Variants in THRB observed in about 807,000 individuals in gnomAD.
THRB encodes nuclear receptor subfamily 1 group A member 2.
A neutral mutation model predicts 47.8 loss-of-function variants in THRB; 12 were observed. The ratio of observed to expected loss-of-function variants is 0.25; its 90% CI spans 0.16 to 0.41. The LOEUF (loss-of-function observed/expected upper bound fraction) is 0.41. THRB is among the 10% of genes least tolerant of loss of function. The probability of loss-of-function intolerance (pLI) is 1.00; values close to 1 mark genes in which losing one functional copy is unlikely to be tolerated. For missense variants in THRB, 348 were observed against 589.2 expected, an observed-to-expected ratio of 0.59 and a Z score of 4.24; for synonymous variants, 218 against 212.2, an observed-to-expected ratio of 1.03 and a Z score of -0.24.
At chr3:24,474,915 C>T (rs762841082) in intron 1 of THRB, among the ~76,000 whole-genome samples, 13 of 152,180 alleles carry the variant, frequency 8.5e-5, no homozygotes, top group Non-Finnish European at 1.6e-4. Flanking sequence ...TTGTCCAATA[C>T]GCTGTAGGTA....
intron 5 of THRB, among the ~76,000 whole-genome samples, chr3:24,159,381 T>C (rs1205780912): frequency 1.3e-5 from 2 of 152,180 alleles, no homozygotes; most frequent in African/African-American, 4.8e-5. Context: ...ATGATCTAGA[T>C]AGATTTGATA....
At chr3:24,251,323 T>G (rs2050646350) in intron 3 of THRB, among the ~76,000 whole-genome samples, 1 of 151,910 alleles carries the variant, frequency 6.6e-6, no homozygotes, top group African/African-American at 2.4e-5. Flanking sequence ...GAAAGAGAAA[T>G]TAATAAAAGT....
chr3:24,417,732 C>G (rs2150249879), intron 1 of THRB, among the ~76,000 whole-genome samples: 1 of 152,026 alleles, frequency 6.6e-6, no homozygotes, highest in South Asian at 2.1e-4. Context: ...TTTGACTTCT[C>G]TCCCACAAAT....
At chr3:24,189,011 T>C (rs1273048763) in intron 5 of THRB, among the ~76,000 whole-genome samples, 1 of 151,578 alleles carries the variant, frequency 6.6e-6, no homozygotes, top group Non-Finnish European at 1.5e-5. Flanking sequence ...ACTGAAACAC[T>C]CAATTTCCCA....
At chr3:24,309,985 G>A (rs1440533686) in intron 2 of THRB, among the ~76,000 whole-genome samples, 2 of 152,164 alleles carry the variant, frequency 1.3e-5, no homozygotes, top group Non-Finnish European at 2.9e-5. Flanking sequence ...ATTGTTTTGC[G>A]CAGACATCTG....
rs377381183 is a variant in THRB at position 24,127,680 on chromosome 3, A to G, written c.963T>C (p.Tyr321=). The change falls in exon 10 of 11, where the codon TAT becomes TAC. Residue 321 remains tyrosine, a synonymous_variant. Coordinates refer to ENST00000646209, the MANE Select transcript of THRB (RefSeq NM_001354712.2). ...EIMSLRAAVR[Y]DPESETLTLN... ...AGGTTAAAGTCTCACTTTCTGGGTC[A>G]TAGCGCACAGCAGCGCGAAGGGACA... is the stretch of plus-strand genomic sequence containing the variant. The G allele has an allele frequency of 7.4e-6, 12 of 1,614,094 alleles. No homozygotes were observed. Among genetic ancestry groups the G allele is most frequent in the Non-Finnish European group, 1.0e-5 (12 of 1,180,040 alleles).
At chr3:24,173,453 C>T (rs1289472500) in intron 5 of THRB, among the ~76,000 whole-genome samples, 1 of 152,088 alleles carries the variant, frequency 6.6e-6, no homozygotes, top group Non-Finnish European at 1.5e-5. Context: ...TTTTGGTGAC[C>T]ATGCACTACC....
intron 3 of THRB, among the ~76,000 whole-genome samples, chr3:24,279,431 T>C (rs542627983): frequency 6.6e-6 from 1 of 152,188 alleles, no homozygotes; most frequent in East Asian, 1.9e-4. Flanking sequence ...TCGCCCAGGC[T>C]GGAGGTGCAG....
At chr3:24,338,673 C>CT (rs1301686043) in intron 1 of THRB, among the ~76,000 whole-genome samples, 1 of 152,236 alleles carries the variant, frequency 6.6e-6, no homozygotes, top group Admixed American at 6.5e-5. Context: ...CTGCTCTTGA[C>CT]TCTGGGCTTC....
chr3:24,327,119 T>C (rs1417151287), intron 2 of THRB, among the ~76,000 whole-genome samples: 1 of 152,160 alleles, frequency 6.6e-6, no homozygotes, highest in Non-Finnish European at 1.5e-5. Flanking sequence ...AGAGTGTTCA[T>C]AAAATAAGTC....
chr3:24,143,518 G>C lies in THRB; in HGVS notation c.721C>G (p.Gln241Glu). 1.2e-6 allele frequency: 2 copies of C among 1,614,204 alleles called. No individual in the cohort carries two copies. Among genetic ancestry groups the C allele is most frequent in the Non-Finnish European group, 1.7e-6 (2 of 1,180,024 alleles). ...AGCCTTACCAGGAATTTCCGTTTTT[G>C]CTTCCAGTGGCTGCCTTGGGCGTTG... ...ATNAQGSHWK[Q>E]KRKFLPEDIG... The change falls in exon 8 of 11, where the codon CAA becomes GAA. Residue 241 changes from glutamine (Q) to glutamate (E), a missense_variant. By Grantham distance (29) the Gln-to-Glu change is conservative (BLOSUM62 2). Coordinates refer to ENST00000646209, the MANE Select transcript of THRB (RefSeq NM_001354712.2).
chr3:24,229,076 T>G, intron 3 of THRB, 75 bp from the exon 4 acceptor site: 2 of 892,492 alleles, frequency 2.2e-6, no homozygotes, highest in Non-Finnish European at 3.7e-6. Context: ...CCAAACAATA[T>G]CATATGCATT....
intron 2 of THRB, among the ~76,000 whole-genome samples, chr3:24,309,422 G>A (rs748634265): frequency 6.6e-6 from 1 of 151,976 alleles, no homozygotes; most frequent in African/African-American, 2.4e-5. Context: ...CCACTAACAG[G>A]GTGCAATCCA....
chr3:24,172,364 G>A (rs980065395), intron 5 of THRB, among the ~76,000 whole-genome samples: 5 of 152,132 alleles, frequency 3.3e-5, no homozygotes, highest in Admixed American at 6.6e-5. Flanking sequence ...AAATCCCCAG[G>A]TGGGCACAGG....
chr3:24,331,325 A>G (rs76016233), intron 2 of THRB, among the ~76,000 whole-genome samples: 3,694 of 152,258 alleles, frequency 0.024, 47 homozygotes, highest in Middle Eastern at 0.041. Flanking sequence ...GGGAATAAGA[A>G]AGGGAAAAAG....
At chr3:24,300,120 A>G (rs1046866250) in intron 2 of THRB, among the ~76,000 whole-genome samples, 2 of 152,172 alleles carry the variant, frequency 1.3e-5, no homozygotes, top group Admixed American at 6.5e-5. Flanking sequence ...CCTGGAATTT[A>G]GCATATACTC....
At chr3:24,420,742 T>G (rs980611443) in intron 1 of THRB, among the ~76,000 whole-genome samples, 5 of 151,884 alleles carry the variant, frequency 3.3e-5, no homozygotes, top group Non-Finnish European at 1.5e-5. Context: ...ACACATGCAC[T>G]GTCGGTGGGA....
At chr3:24,333,798 A>C (rs139555813) in intron 2 of THRB, among the ~76,000 whole-genome samples, 246 of 152,336 alleles carry the variant, frequency 1.6e-3, no homozygotes, top group Admixed American at 2.7e-3. Context: ...TTGGGAAATC[A>C]CTCAAATAGT....
At chr3:24,199,266 AT>A (rs2044323792) in intron 4 of THRB, among the ~76,000 whole-genome samples, 2 of 152,354 alleles carry the variant, frequency 1.3e-5, no homozygotes, top group Non-Finnish European at 1.5e-5. Context: ...GTCCGGTTAC[AT>A]AAACTATGCC....
Sources: allele counts gnomAD v4.1 joint callset (sites outside exome capture counted in the v4.1 genomes callset), GRCh38; gene constraint gnomAD v4.1.1; transcripts MANE v1.5; gene names NCBI Gene and HGNC (gene_info 2026-07-23, HGNC 2026-07-21).